Variants in NUP205 observed in about 807,000 individuals in gnomAD.
NUP205 encodes the protein nucleoporin 205, also known as nuclear pore complex protein Nup205.
A neutral mutation model predicts 253.8 loss-of-function variants in NUP205; 76 were observed. The ratio of observed to expected loss-of-function variants is 0.30; its 90% confidence interval spans 0.25 to 0.36. The LOEUF (loss-of-function observed/expected upper bound fraction) is 0.36, where lower values mean the gene tolerates loss of function less well. Ranked by LOEUF, NUP205 falls within the 10% of genes least tolerant of loss-of-function variation. The pLI, the probability that NUP205 is intolerant of heterozygous loss-of-function variation, is 1.00. For missense variants in NUP205, 2,162 were observed against 2,425.5 expected (o/e 0.89, Z 2.28); for synonymous variants, 832 against 850.1 (o/e 0.98, Z 0.37).
intron 1 of NUP205, among the ~76,000 whole-genome samples, chr7:135,559,269 A>G (rs767679920): frequency 6.0e-4 from 92 of 152,252 alleles, no homozygotes; most frequent in Non-Finnish European, 1.1e-3. Flanking sequence ...GAAGGTTAGT[A>G]ATGAAGTTAC....
At chr7:135,567,546 G>A (rs925077631) in intron 1 of NUP205, among the ~76,000 whole-genome samples, 1 of 151,698 alleles carries the variant, frequency 6.6e-6, no homozygotes, top group African/African-American at 2.4e-5. Context: ...AGGAAGTTGA[G>A]GCTACAGTGA....
At chr7:135,576,131 T>C in intron 3 of NUP205, 139 bp from the exon 4 acceptor site, 1 of 579,300 alleles carries the variant, frequency 1.7e-6, no homozygotes, top group Non-Finnish European at 3.0e-6. Context: ...GGATGGATGT[T>C]TGTAGTAGAG....
At chr7:135,561,860 A>G (rs925034276) in intron 1 of NUP205, among the ~76,000 whole-genome samples, 4 of 151,880 alleles carry the variant, frequency 2.6e-5, no homozygotes, top group Admixed American at 1.3e-4. Flanking sequence ...CTTTCAAAAG[A>G]TTTGTTAGTA....
rs752163126 is a variant in NUP205, at chr7:135,616,168, C to T, written c.3460+103C>T. The T allele has an allele frequency of 1.5e-5, 15 of 1,020,834 alleles. No homozygotes were observed. The South Asian group carries it at 1.9e-4, about 13-fold the overall frequency. The allele number at this position is 1,020,834 out of a possible 1,614,324, so 63.2% of individuals were successfully genotyped here. ...GTATGTGACTATAGACCAAAACTAT[C>T]TTCTCACTTTTAGAATTTTTTTTTC... On this transcript the variant is annotated intron_variant, in intron 24 of 42. Transcript: ENST00000285968.
chr7:135,591,211 CA>C (rs1414945374), intron 10 of NUP205, among the ~76,000 whole-genome samples: 1 of 152,064 alleles, frequency 6.6e-6, no homozygotes, highest in African/African-American at 2.4e-5. Flanking sequence ...TATTTTGTGA[CA>C]TTGAGATATT....
Position 135,557,943 on chromosome 7 carries a change from A to G in NUP205, c.-2A>G. The G allele has an allele frequency of 6.2e-7, 1 of 1,613,674 alleles. No homozygotes were observed. Among genetic ancestry groups the G allele is most frequent in the Non-Finnish European group, 8.5e-7 (1 of 1,179,560 alleles). ...GAAGGGCTCTGTTAGTGCGCCTCTAAGATGGCGACGCCTTTGGCGGTAAAT... is the reference window on the plus strand; with the variant it reads ...GAAGGGCTCTGTTAGTGCGCCTCTAGGATGGCGACGCCTTTGGCGGTAAAT... On this transcript the variant is annotated 5_prime_UTR_variant, in exon 1 of 43. Coordinates refer to ENST00000285968, the MANE Select transcript of NUP205 (RefSeq NM_015135.3).
At chr7:135,595,462 G>C (rs983661549) in intron 13 of NUP205, among the ~76,000 whole-genome samples, 1 of 152,128 alleles carries the variant, frequency 6.6e-6, no homozygotes, top group African/African-American at 2.4e-5. Context: ...GGCTTCAAGT[G>C]ATCTGCCCGC....
At chr7:135,579,655 G>T (rs2129489910) in intron 7 of NUP205, among the ~76,000 whole-genome samples, 1 of 151,918 alleles carries the variant, frequency 6.6e-6, no homozygotes, top group African/African-American at 2.4e-5. Flanking sequence ...GTCAAGAACA[G>T]ATGTGGAATC....
Position 135,601,807 on chromosome 7 carries a change from A to G in NUP205, c.2512+300A>G, listed in dbSNP as rs771273692. Among the ~76,000 whole-genome samples, 5 of 152,240 alleles carry G rather than the reference A, an allele frequency of 3.3e-5. No homozygotes were observed. The South Asian group carries it at 8.3e-4, about 25-fold the overall frequency. On this transcript the variant is annotated intron_variant, in intron 17 of 42. Coordinates refer to ENST00000285968, the MANE Select transcript of NUP205 (RefSeq NM_015135.3). ...CTAACTTTAAAGTACTTTTTTGTCC[A>G]TCCCCCACCTCATAATATTTTTAAA...
At chr7:135,570,529 T>C (rs1805928609) in intron 1 of NUP205, among the ~76,000 whole-genome samples, 1 of 151,138 alleles carries the variant, frequency 6.6e-6, no homozygotes. Context: ...TCAGGATTTA[T>C]TTTATAGTAA....
chr7:135,566,676 T>C (rs1217328120), intron 1 of NUP205, among the ~76,000 whole-genome samples: 1 of 152,188 alleles, frequency 6.6e-6, no homozygotes, highest in African/African-American at 2.4e-5. Flanking sequence ...TGTACTCTCA[T>C]AGCCCGTTGT....
intron 18 of NUP205, 46 bp from the exon 19 acceptor site, chr7:135,604,294 C>T (rs777227434): frequency 6.5e-7 from 1 of 1,544,384 alleles, no homozygotes; most frequent in East Asian, 2.3e-5. Context: ...TAGTGAGACA[C>T]CAAAAATTTT....
intron 12 of NUP205, 44 bp from the exon 13 acceptor site, chr7:135,594,503 C>G: frequency 6.8e-7 from 1 of 1,466,562 alleles, no homozygotes; most frequent in Non-Finnish European, 9.3e-7. Flanking sequence ...ATTTTAATAA[C>G]TTTTAAAAAT....
At chr7:135,603,150 C>G (rs933564688) in intron 18 of NUP205, among the ~76,000 whole-genome samples, 156 bp downstream of exon 18, 1 of 118,326 alleles carries the variant, frequency 8.5e-6, no homozygotes, top group Admixed American at 1.2e-4. Context: ...GAGTCTCGCT[C>G]TGTCGTCCAG....
At chr7:135,617,335 T>C in intron 26 of NUP205, 88 bp downstream of exon 26, 1 of 1,277,852 alleles carries the variant, frequency 7.8e-7, no homozygotes, top group South Asian at 1.5e-5. Flanking sequence ...ATAGGTTTTC[T>C]TTCTGATAGA....
At chr7:135,606,320 G>C in intron 20 of NUP205, 94 bp downstream of exon 20, 1 of 846,986 alleles carries the variant, frequency 1.2e-6, no homozygotes, top group Non-Finnish European at 2.0e-6. Context: ...CTGTTTTAGT[G>C]ATGGTGTAAG....
intron 42 of NUP205, among the ~76,000 whole-genome samples, chr7:135,646,791 G>A (rs1253119274): frequency 2.0e-5 from 3 of 152,148 alleles, no homozygotes; most frequent in African/African-American, 7.2e-5. Context: ...TAAGAAATAG[G>A]AGGATTCAAC....
At chr7:135,601,986 A>G (rs181048430) in intron 17 of NUP205, among the ~76,000 whole-genome samples, 8 of 152,362 alleles carry the variant, frequency 5.3e-5, no homozygotes, top group African/African-American at 1.9e-4. Flanking sequence ...AAAATGTGTT[A>G]GATCTTCTTA....
chr7:135,588,913 T>C (rs1584654789), intron 10 of NUP205, among the ~76,000 whole-genome samples: 1 of 151,312 alleles, frequency 6.6e-6, no homozygotes, highest in African/African-American at 2.4e-5. Flanking sequence ...TATGCAGTAG[T>C]TCACACCTGT....
Sources: gnomAD v4.1 joint callset for allele counts (sites outside exome capture counted in the v4.1 genomes callset) on GRCh38, gnomAD v4.1.1 for gene constraint, MANE v1.5 for transcripts, NCBI Gene and HGNC (gene_info 2026-07-23, HGNC 2026-07-21) for gene names.